Variants in CNTN5 observed in about 807,000 individuals in gnomAD.
CNTN5 encodes the protein contactin 5.
CNTN5 carries 77 observed loss-of-function variants against 129.1 expected under a neutral mutation model. That is an observed-to-expected ratio of 0.60 (90% CI 0.50 to 0.72). CNTN5 has a LOEUF of 0.72. Ranked by LOEUF, CNTN5 falls within the 30% of genes least tolerant of loss-of-function variation. The probability of loss-of-function intolerance (pLI) is 0.00; values close to 1 mark genes in which losing one functional copy is unlikely to be tolerated. For synonymous variants in CNTN5, 509 were observed against 465.6 expected (o/e 1.09, Z -1.20); for missense variants, 1,478 against 1,328.8 (o/e 1.11, Z -1.75).
intron 1 of CNTN5, among the ~76,000 whole-genome samples, chr11:99,263,559 T>C (rs1317055083): frequency 1.3e-5 from 2 of 152,128 alleles, no homozygotes; most frequent in African/African-American, 4.8e-5. Flanking sequence ...TGTATAAAGA[T>C]AAAGTTGGTT....
At chr11:99,131,519 A>G (rs1303347356) in intron 1 of CNTN5, among the ~76,000 whole-genome samples, 1 of 152,024 alleles carries the variant, frequency 6.6e-6, no homozygotes, top group Non-Finnish European at 1.5e-5. Flanking sequence ...AGTAATAAAG[A>G]AGAAAAGAGA....
At position 99,515,001 on chromosome 11, in the gene CNTN5, A is replaced by G. The variant is rs58496559; in HGVS notation, c.-70-41144A>G. Among the ~76,000 whole-genome samples, 960 of 152,216 alleles carry G rather than the reference A, an allele frequency of 6.3e-3. 8 individuals carry two copies. Among genetic ancestry groups the G allele is most frequent in the African/African-American group, 0.022 (903 of 41,548 alleles). On this transcript the variant is annotated intron_variant, in intron 2 of 24. Transcript: ENST00000524871. ...TTTTAAAAAACGATGTGCAATTGTT[A>G]TAGTAAAAATGTCTAAATGAAATAT...
chr11:100,089,539 T>C (rs994629346), intron 13 of CNTN5, among the ~76,000 whole-genome samples: 5 of 152,114 alleles, frequency 3.3e-5, no homozygotes, highest in Non-Finnish European at 7.4e-5. Flanking sequence ...CCATTTGACC[T>C]AGCAATCCCA....
chr11:99,078,812 G>A (rs921110627), intron 1 of CNTN5, among the ~76,000 whole-genome samples: 7 of 152,054 alleles, frequency 4.6e-5, no homozygotes, highest in Non-Finnish European at 7.4e-5. Flanking sequence ...GAAATGGGGA[G>A]GGGGAAGTGG....
Position 100,291,573 on chromosome 11 carries a change from A to C in CNTN5, c.2315-6052A>C, listed in dbSNP as rs936951935. On this transcript the variant is annotated intron_variant, in intron 18 of 24. Coordinates refer to ENST00000524871, the MANE Select transcript of CNTN5 (RefSeq NM_014361.4). ...AATTGAACAATGAGATCACATGGAC[A>C]CAGGAAGGGGAATATCACACTCTGG... 2.1e-3 allele frequency among the ~76,000 whole-genome samples: 314 copies of C among 151,732 alleles called. 3 individuals are homozygous for C. The highest frequency in any genetic ancestry group is 3.4e-3 in the Non-Finnish European group (234 of 67,906).
chr11:99,335,227 G>A (rs1866170789), intron 2 of CNTN5, among the ~76,000 whole-genome samples: 2 of 152,048 alleles, frequency 1.3e-5, no homozygotes, highest in African/African-American at 4.8e-5. Flanking sequence ...AGATCAAGAA[G>A]TAACTAGTTG....
At chr11:100,085,316 G>A (rs1429778215) in intron 13 of CNTN5, among the ~76,000 whole-genome samples, 2 of 151,956 alleles carry the variant, frequency 1.3e-5, no homozygotes, top group African/African-American at 2.4e-5. Flanking sequence ...GCTGCTGCTG[G>A]TCCCCAGGTG....
chr11:99,782,247 A>G (rs1187957378), intron 3 of CNTN5, among the ~76,000 whole-genome samples: 24 of 145,076 alleles, frequency 1.7e-4, no homozygotes, highest in African/African-American at 5.6e-4. Context: ...AGAGAATAAA[A>G]TACCTAGGAA....
chr11:99,486,182 A>G (rs1218463492), intron 2 of CNTN5, among the ~76,000 whole-genome samples: 1 of 152,072 alleles, frequency 6.6e-6, no homozygotes, highest in Admixed American at 6.6e-5. Context: ...TGCCTGCTTT[A>G]ATCTTTTTCA....
chr11:99,884,746 G>A (rs1050646238), intron 6 of CNTN5, among the ~76,000 whole-genome samples: 1 of 152,200 alleles, frequency 6.6e-6, no homozygotes, highest in Non-Finnish European at 1.5e-5. Flanking sequence ...GGAGGTTGAG[G>A]CAGGTGGATC....
chr11:100,280,811 A>G (rs2138817127), intron 18 of CNTN5, among the ~76,000 whole-genome samples: 1 of 151,964 alleles, frequency 6.6e-6, no homozygotes, highest in South Asian at 2.1e-4. Flanking sequence ...CTCTAGTGAT[A>G]TGGTGTAATT....
chr11:99,026,838 G>A (rs1863128759), intron 1 of CNTN5, among the ~76,000 whole-genome samples: 1 of 151,438 alleles, frequency 6.6e-6, no homozygotes, highest in South Asian at 2.1e-4. Context: ...TTTAGACTGT[G>A]GACATCTTGA....
At chr11:100,273,019 G>T (rs941137980) in intron 18 of CNTN5, among the ~76,000 whole-genome samples, 1 of 152,126 alleles carries the variant, frequency 6.6e-6, no homozygotes, top group Non-Finnish European at 1.5e-5. Context: ...AGCCCTAGGG[G>T]AACTTTCTGT....
At chr11:99,083,299 A>G (rs1440219645) in intron 1 of CNTN5, among the ~76,000 whole-genome samples, 3 of 151,240 alleles carry the variant, frequency 2.0e-5, no homozygotes, top group Non-Finnish European at 2.9e-5. Context: ...TTATTCACAC[A>G]TGTGTCCTCT....
At chr11:100,260,280 TTC>T (rs1555052143) in intron 17 of CNTN5, among the ~76,000 whole-genome samples, 1 of 152,046 alleles carries the variant, frequency 6.6e-6, no homozygotes, top group African/African-American at 2.4e-5. Flanking sequence ...CAATAACAAG[TTC>T]TGAAACTGAG....
chr11:99,039,179 A>T (rs954679604), intron 1 of CNTN5, among the ~76,000 whole-genome samples: 8 of 152,198 alleles, frequency 5.3e-5, no homozygotes, highest in Non-Finnish European at 1.0e-4. Context: ...AATAAAAAAG[A>T]AACAAATATG....
intron 3 of CNTN5, among the ~76,000 whole-genome samples, chr11:99,788,890 G>T (rs1945634321): frequency 6.6e-6 from 1 of 151,774 alleles, no homozygotes; most frequent in African/African-American, 2.4e-5. Context: ...GATTTCATCA[G>T]CACAGCTCTT....
chr11:100,195,784 G>T (rs749837539), intron 15 of CNTN5, among the ~76,000 whole-genome samples: 1 of 151,884 alleles, frequency 6.6e-6, no homozygotes, highest in African/African-American at 2.4e-5. Flanking sequence ...GTCTTGGTTG[G>T]CTTCAAGGAC....
intron 6 of CNTN5, among the ~76,000 whole-genome samples, chr11:99,904,884 A>G (rs1033583926): frequency 6.6e-6 from 1 of 151,996 alleles, no homozygotes; most frequent in Non-Finnish European, 1.5e-5. Flanking sequence ...GCGTTTCTCT[A>G]ATGACCAGCA....
Sources: gnomAD v4.1 joint callset for allele counts (sites outside exome capture counted in the v4.1 genomes callset) on GRCh38, gnomAD v4.1.1 for gene constraint, MANE v1.5 for transcripts, NCBI Gene and HGNC (gene_info 2026-07-23, HGNC 2026-07-21) for gene names.